MALRD1: variants seen among roughly 807,000 people sequenced by gnomAD.
MALRD1 encodes MAM and LDL-receptor class A domain-containing protein 1.
MALRD1 carries 247 observed loss-of-function variants against 242.1 expected under a neutral mutation model. The ratio of observed to expected loss-of-function variants is 1.02; its 90% CI spans 0.92 to 1.13. MALRD1 has a LOEUF of 1.13. Among genes scored for constraint, MALRD1 ranks in the 50% most tolerant of loss-of-function variants. The pLI is 0.00. For missense variants in MALRD1, 2,989 were observed against 2,533.1 expected (o/e 1.18, Z -3.86); for synonymous variants, 995 against 866.6 (o/e 1.15, Z -2.60).
chr10:19,637,250 A>G (rs1457803852), intron 36 of MALRD1, among the ~76,000 whole-genome samples: 1 of 152,206 alleles, frequency 6.6e-6, no homozygotes, highest in Non-Finnish European at 1.5e-5. Flanking sequence ...CCATATTTTC[A>G]TGGAACAATA....
At chr10:19,378,931 C>T (rs1467217845) in intron 26 of MALRD1, among the ~76,000 whole-genome samples, 1 of 152,016 alleles carries the variant, frequency 6.6e-6, no homozygotes, top group Non-Finnish European at 1.5e-5. Flanking sequence ...CCAAATTTTG[C>T]CCTAGAGTCT....
chr10:19,635,256 A>G (rs569537560), intron 36 of MALRD1, among the ~76,000 whole-genome samples: 7 of 152,314 alleles, frequency 4.6e-5, no homozygotes, highest in Admixed American at 6.5e-5. Context: ...GTAAACTCTC[A>G]TGGTAACAGA....
At chr10:19,354,563 A>G (rs571314243) in intron 26 of MALRD1, among the ~76,000 whole-genome samples, 1 of 151,518 alleles carries the variant, frequency 6.6e-6, no homozygotes, top group African/African-American at 2.4e-5. Flanking sequence ...CTACCATTCT[A>G]CTCTCTACCT....
chr10:19,712,098 C>A (rs1371473875), intron 38 of MALRD1, among the ~76,000 whole-genome samples: 3 of 151,952 alleles, frequency 2.0e-5, no homozygotes, highest in Admixed American at 1.3e-4. Flanking sequence ...TCAGATAAGA[C>A]AAATATCAAT....
intron 18 of MALRD1, among the ~76,000 whole-genome samples, chr10:19,233,080 T>TG (rs1323783199): frequency 1.3e-5 from 2 of 152,208 alleles, no homozygotes; most frequent in Non-Finnish European, 2.9e-5. Context: ...AAAATTTTTG[T>TG]GGGTACATAG....
chr10:19,494,518 A>G (rs566902631), intron 30 of MALRD1, among the ~76,000 whole-genome samples: 3 of 152,300 alleles, frequency 2.0e-5, no homozygotes, highest in Admixed American at 2.0e-4. Context: ...AACCCAATCC[A>G]AAGAAGCTAA....
intron 38 of MALRD1, among the ~76,000 whole-genome samples, chr10:19,703,653 G>A (rs1256931352): frequency 2.6e-5 from 4 of 152,172 alleles, no homozygotes; most frequent in Non-Finnish European, 5.9e-5. Context: ...CCAGCATTTT[G>A]GGAGGCCAAG....
intron 34 of MALRD1, among the ~76,000 whole-genome samples, chr10:19,602,819 A>G (rs959656628): frequency 2.6e-5 from 4 of 152,148 alleles, no homozygotes; most frequent in Admixed American, 6.5e-5. Flanking sequence ...CCAACAGTGT[A>G]AAAGTGTTCC....
chr10:19,207,582 C>T (rs899957715), intron 17 of MALRD1, among the ~76,000 whole-genome samples: 6 of 152,104 alleles, frequency 3.9e-5, no homozygotes, highest in Non-Finnish European at 7.4e-5. Flanking sequence ...CTCACTGCAA[C>T]CTCTGCCTCC....
At chr10:19,312,963 G>C (rs1370142484) in intron 21 of MALRD1, among the ~76,000 whole-genome samples, 4 of 151,416 alleles carry the variant, frequency 2.6e-5, no homozygotes, top group Non-Finnish European at 5.9e-5. Flanking sequence ...CAAGAATTTA[G>C]TATGCAGCAA....
At chr10:19,354,794 T>A (rs1844550824) in intron 26 of MALRD1, among the ~76,000 whole-genome samples, 1 of 152,172 alleles carries the variant, frequency 6.6e-6, no homozygotes, top group South Asian at 2.1e-4. Flanking sequence ...TTTGAGGTGA[T>A]GGTTATCCCA....
intron 36 of MALRD1, among the ~76,000 whole-genome samples, chr10:19,684,997 A>G (rs1387441464): frequency 6.6e-6 from 1 of 152,196 alleles, no homozygotes; most frequent in African/African-American, 2.4e-5. Context: ...ATATTTGGAT[A>G]TATCTCTCCA....
intron 2 of MALRD1, among the ~76,000 whole-genome samples, chr10:19,080,718 C>G (rs1835460765): frequency 6.6e-6 from 1 of 151,932 alleles, no homozygotes; most frequent in Non-Finnish European, 1.5e-5. Context: ...GCAGAGATTT[C>G]ATGATGAAAG....
At chr10:19,149,058 T>G (rs1000047921) in intron 11 of MALRD1, among the ~76,000 whole-genome samples, 2 of 147,852 alleles carry the variant, frequency 1.4e-5, no homozygotes, top group Non-Finnish European at 3.0e-5. Context: ...ATTGCAGCTT[T>G]TAAATCTGTC....
chr10:19,319,488 T>C (rs1474650335), intron 21 of MALRD1, among the ~76,000 whole-genome samples: 1 of 152,176 alleles, frequency 6.6e-6, no homozygotes, highest in African/African-American at 2.4e-5. Context: ...CTGGATTGTT[T>C]GTTTGTTCTT....
intron 36 of MALRD1, among the ~76,000 whole-genome samples, chr10:19,671,209 A>T (rs1196336285): frequency 6.6e-6 from 1 of 152,214 alleles, no homozygotes; most frequent in Non-Finnish European, 1.5e-5. Flanking sequence ...TCTAAACTTT[A>T]AAACCCCTTC....
intron 25 of MALRD1, among the ~76,000 whole-genome samples, chr10:19,351,402 A>G (rs75887183): frequency 0.028 from 4,231 of 152,180 alleles, 165 homozygotes; most frequent in African/African-American, 0.088. Flanking sequence ...TTTTTACTCA[A>G]AGAAAAGCTC....
At position 19,379,759 on chromosome 10, in the gene MALRD1, T is replaced by C. The variant is rs542839105; in HGVS notation, c.4442-7769T>C. ...GAAAACAATGTATATTCTGTTCTTG[T>C]TTGGTGTAGTGTTATGTAAATGTTA... On this transcript the variant is annotated intron_variant, in intron 26 of 39. Coordinates refer to ENST00000454679, the MANE Select transcript of MALRD1 (RefSeq NM_001142308.3). Among the ~76,000 whole-genome samples the C allele has an allele frequency of 2.0e-5, 3 of 152,244 alleles. No individual in the cohort carries two copies. In the East Asian group the frequency reaches 5.8e-4, roughly 29 times the overall value.
At chr10:19,163,588 A>G (rs1027916421) in intron 12 of MALRD1, among the ~76,000 whole-genome samples, 1 of 152,164 alleles carries the variant, frequency 6.6e-6, no homozygotes, top group African/African-American at 2.4e-5. Flanking sequence ...TAATCTGTAC[A>G]ACAAGTCCCC....
Sources: allele counts gnomAD v4.1 joint callset (sites outside exome capture counted in the v4.1 genomes callset), GRCh38; gene constraint gnomAD v4.1.1; transcripts MANE v1.5; gene names NCBI Gene and HGNC (gene_info 2026-07-23, HGNC 2026-07-21).